ANO6: variants seen among roughly 807,000 people sequenced by gnomAD.
ANO6 encodes anoctamin-6.
ANO6 carries 106 observed loss-of-function variants against 117.5 expected under a neutral mutation model. The ratio of observed to expected loss-of-function variants is 0.90; its 90% CI spans 0.77 to 1.06. ANO6 has a LOEUF of 1.06. ANO6 is among the 50% of genes least tolerant of loss of function. The pLI is 0.00. For missense variants in ANO6, 955 were observed against 1,121.1 expected (o/e 0.85, Z 2.12); for synonymous variants, 367 against 385.1 (o/e 0.95, Z 0.55).
intron 2 of ANO6, among the ~76,000 whole-genome samples, chr12:45,328,224 C>T (rs951536383): frequency 1.3e-5 from 2 of 152,088 alleles, no homozygotes; most frequent in Admixed American, 6.6e-5. Context: ...CAGCACACAC[C>T]ATTTACTGAG....
chr12:45,357,314 A>G lies in ANO6; in HGVS notation c.888A>G (p.Gly296=), dbSNP rs1405462389. The part of the protein sequence containing the change: ...LIRKYYGEKI[G]IYFAWLGYYT... ...GGAAATACTATGGAGAGAAGATTGG[A>G]ATCTACTTTGCTTGGCTGGGCTATT... Residue 296 remains glycine (G), a synonymous_variant, in exon 8 of 20, where the codon GGA becomes GGG. Coordinates refer to ENST00000320560, the MANE Select transcript of ANO6 (RefSeq NM_001025356.3). 6.2e-7 allele frequency: 1 copy of G among 1,613,820 alleles called. No homozygotes were observed. The highest frequency in any genetic ancestry group is 1.7e-5 in the Admixed American group (1 of 60,002).
intron 8 of ANO6, among the ~76,000 whole-genome samples, chr12:45,358,497 C>T (rs2137478474): frequency 1.3e-5 from 2 of 152,054 alleles, no homozygotes; most frequent in South Asian, 4.2e-4. Flanking sequence ...ATCAAAAATA[C>T]ATTTCAAAGT....
chr12:45,390,985 G>T (rs1462128883), intron 12 of ANO6, among the ~76,000 whole-genome samples: 3 of 152,024 alleles, frequency 2.0e-5, no homozygotes, highest in Non-Finnish European at 4.4e-5. Flanking sequence ...GCCAGGCAAG[G>T]TGTCACACAC....
chr12:45,356,400 A>G (rs1381071499), intron 7 of ANO6, among the ~76,000 whole-genome samples: 1 of 152,166 alleles, frequency 6.6e-6, no homozygotes, highest in African/African-American at 2.4e-5. Flanking sequence ...CCGCACACAC[A>G]TACAGTCGAA....
intron 1 of ANO6, chr12:45,293,096 G>T (rs1592926063): frequency 6.6e-6 from 4 of 609,244 alleles, no homozygotes; most frequent in Non-Finnish European, 8.2e-6. Flanking sequence ...TCACAGTATG[G>T]TGCAGTGCAA....
intron 1 of ANO6, among the ~76,000 whole-genome samples, chr12:45,300,976 T>C (rs1320451153): frequency 6.6e-6 from 1 of 152,216 alleles, no homozygotes; most frequent in Non-Finnish European, 1.5e-5. Flanking sequence ...ACCTACCTTC[T>C]TGATTTGGTT....
intron 2 of ANO6, among the ~76,000 whole-genome samples, chr12:45,303,636 C>T (rs1344772921): frequency 2.0e-5 from 3 of 152,196 alleles, no homozygotes; most frequent in South Asian, 2.1e-4. Flanking sequence ...TTTGTTGCCA[C>T]AGATAAGGCA....
At chr12:45,420,528 C>T (rs890740778) in intron 17 of ANO6, among the ~76,000 whole-genome samples, 4 of 151,946 alleles carry the variant, frequency 2.6e-5, no homozygotes, top group Admixed American at 2.0e-4. Context: ...TCACTTGAAC[C>T]AAGGAGTTCG....
intron 15 of ANO6, among the ~76,000 whole-genome samples, chr12:45,406,087 C>T (rs1255264548): frequency 2.0e-5 from 3 of 152,216 alleles, no homozygotes; most frequent in African/African-American, 4.8e-5. Context: ...CCTTCCTCTC[C>T]CGCCTTTGGG....
chr12:45,315,665 T>C (rs1940000621), intron 2 of ANO6, among the ~76,000 whole-genome samples: 1 of 152,074 alleles, frequency 6.6e-6, no homozygotes, highest in African/African-American at 2.4e-5. Flanking sequence ...TTTTCTTAAA[T>C]CTTTTCTCTC....
At chr12:45,420,679 A>G (rs1340327545) in intron 17 of ANO6, among the ~76,000 whole-genome samples, 2 of 152,186 alleles carry the variant, frequency 1.3e-5, no homozygotes, top group Non-Finnish European at 2.9e-5. Context: ...CACGATGAAA[A>G]TAGTAATTCT....
At chr12:45,364,945 C>T (rs6582546) in intron 8 of ANO6, among the ~76,000 whole-genome samples, 116,012 of 152,146 alleles carry the variant, frequency 0.76, 47,513 homozygotes, top group Non-Finnish European at 0.92. Flanking sequence ...TTGTTGCTTC[C>T]GTTTATTATT....
intron 1 of ANO6, among the ~76,000 whole-genome samples, chr12:45,237,558 C>G (rs544115577): frequency 7.9e-5 from 12 of 152,180 alleles, no homozygotes; most frequent in South Asian, 4.2e-4. Flanking sequence ...ATTTCTGAGG[C>G]CTCTGTTCTG....
intron 1 of ANO6, among the ~76,000 whole-genome samples, chr12:45,265,176 G>C (rs1035650581): frequency 6.6e-6 from 1 of 152,114 alleles, no homozygotes; most frequent in African/African-American, 2.4e-5. Context: ...AATCTGTATA[G>C]TGACTTTTAT....
intron 1 of ANO6, among the ~76,000 whole-genome samples, chr12:45,266,320 A>G (rs1458934683): frequency 2.6e-5 from 4 of 152,184 alleles, no homozygotes; most frequent in Non-Finnish European, 5.9e-5. Context: ...ATTTGTAAAA[A>G]TCTATAAGAT....
intron 8 of ANO6, among the ~76,000 whole-genome samples, chr12:45,357,691 A>C (rs1294730736): frequency 6.6e-6 from 1 of 152,220 alleles, no homozygotes; most frequent in East Asian, 1.9e-4. Flanking sequence ...AAAAGAAAGG[A>C]GGACTGGAGG....
chr12:45,311,550 C>CAAGA (rs1209902926), intron 2 of ANO6, among the ~76,000 whole-genome samples: 2 of 151,944 alleles, frequency 1.3e-5, no homozygotes, highest in Non-Finnish European at 2.9e-5. Flanking sequence ...GATATTTAGG[C>CAAGA]AAGAACATGA....
chr12:45,240,897 T>G (rs1023599671), intron 1 of ANO6, among the ~76,000 whole-genome samples: 1 of 152,244 alleles, frequency 6.6e-6, no homozygotes, highest in African/African-American at 2.4e-5. Flanking sequence ...TTTCTGGCTG[T>G]AGGGTTTCTG....
At chr12:45,246,748 G>A (rs1024002826) in intron 1 of ANO6, among the ~76,000 whole-genome samples, 6 of 148,318 alleles carry the variant, frequency 4.0e-5, no homozygotes, top group Non-Finnish European at 8.9e-5. Context: ...ACATGGGCTA[G>A]TTCCACCCTA....
Sources: allele counts gnomAD v4.1 joint callset (sites outside exome capture counted in the v4.1 genomes callset), GRCh38; gene constraint gnomAD v4.1.1; transcripts MANE v1.5; gene names NCBI Gene and HGNC (gene_info 2026-07-23, HGNC 2026-07-21).